JAK1: variants seen among roughly 807,000 people sequenced by gnomAD.
The protein encoded by JAK1 is tyrosine-protein kinase JAK1.
A neutral mutation model predicts 136.6 loss-of-function variants in JAK1; 16 were observed. The observed-to-expected ratio is 0.12, with a 90% CI of 0.08 to 0.18. The LOEUF is 0.18. Among genes scored for constraint, JAK1 ranks in the 10% least tolerant of loss-of-function variants. The pLI, the probability that JAK1 is intolerant of heterozygous loss-of-function variation, is 1.00. For missense variants in JAK1, 859 were observed against 1,450.1 expected, an observed-to-expected ratio of 0.59 and a Z score of 6.62; for synonymous variants, 492 against 519.5, an observed-to-expected ratio of 0.95 and a Z score of 0.72.
At chr1:65,056,190 A>G (rs997386428) in intron 1 of JAK1, among the ~76,000 whole-genome samples, 7 of 152,262 alleles carry the variant, frequency 4.6e-5, no homozygotes, top group African/African-American at 1.7e-4. Context: ...GAGTGGTAGC[A>G]TAATAACTGG....
intron 1 of JAK1, among the ~76,000 whole-genome samples, chr1:64,915,449 T>G (rs7524639): frequency 6.6e-6 from 1 of 152,098 alleles, no homozygotes; most frequent in Non-Finnish European, 1.5e-5. Context: ...TCACAGGAAC[T>G]GGAAGGAAGC....
At chr1:64,841,427 A>G in intron 18 of JAK1, 24 bp downstream of exon 18, 1 of 1,614,130 alleles carries the variant, frequency 6.2e-7, no homozygotes, top group South Asian at 1.1e-5. Flanking sequence ...AAGCTGGGTT[A>G]AAGCAGCACA....
intron 2 of JAK1, chr1:64,985,795 C>A: frequency 1.6e-6 from 1 of 633,616 alleles, no homozygotes; most frequent in Admixed American, 2.5e-5. Context: ...CCAGTGGCAG[C>A]CAACAGGTTG....
intron 5 of JAK1, 21 bp from the exon 6 acceptor site, chr1:64,869,495 C>A (rs766615083): frequency 1.2e-6 from 2 of 1,607,642 alleles, no homozygotes; most frequent in Non-Finnish European, 1.7e-6. Context: ...GGGGGAGAAA[C>A]CATGAGAGCC....
intron 2 of JAK1, among the ~76,000 whole-genome samples, chr1:64,997,940 A>T (rs912811755): frequency 2.6e-5 from 4 of 152,260 alleles, no homozygotes; most frequent in South Asian, 4.1e-4. Context: ...GTTTCAAGAA[A>T]TAAAAGCCTG....
At chr1:65,001,682 G>T (rs199679136) in intron 2 of JAK1, among the ~76,000 whole-genome samples, 11,428 of 148,604 alleles carry the variant, frequency 0.077, 872 homozygotes, top group East Asian at 0.28. Flanking sequence ...TGTGTGTGGG[G>T]GGGGGGGTAT....
intron 1 of JAK1, among the ~76,000 whole-genome samples, chr1:65,052,388 G>A (rs1647317004): frequency 6.6e-6 from 1 of 152,170 alleles, no homozygotes; most frequent in South Asian, 2.1e-4. Flanking sequence ...GGTTACAAAT[G>A]ATGACTAGGC....
At chr1:64,932,469 C>A (rs538852277) in intron 1 of JAK1, among the ~76,000 whole-genome samples, 2 of 152,152 alleles carry the variant, frequency 1.3e-5, no homozygotes, top group Admixed American at 1.3e-4. Flanking sequence ...CAGTAATTAA[C>A]CAAAGGTAAT....
intron 1 of JAK1, among the ~76,000 whole-genome samples, chr1:64,920,722 G>A (rs1194433511): frequency 6.6e-6 from 1 of 152,158 alleles, no homozygotes; most frequent in Non-Finnish European, 1.5e-5. Context: ...ATAATTCAAG[G>A]AACCCTTCTG....
chr1:64,853,857 G>C (rs1241639324), intron 11 of JAK1, among the ~76,000 whole-genome samples: 1 of 152,154 alleles, frequency 6.6e-6, no homozygotes, highest in African/African-American at 2.4e-5. Context: ...GTGAGACTCA[G>C]GTCCTGTCTT....
At position 64,839,715 on chromosome 1, in the gene JAK1, C is replaced by T. The variant is rs754244996; in HGVS notation, c.2730G>A (p.Leu910=). ...NTGEQVAVKS[L]KPESGGNHIA... is the part of the protein sequence containing the mutation. ...TGTGGTTACCTCCACTCTCAGGCTT[C>T]AGAGATTTAACAGCCACCTGCTCCC... The change falls in exon 20 of 25, where the codon CTG becomes CTA. Residue 910 remains leucine, a synonymous_variant. Transcript: ENST00000342505. 1.2e-6 allele frequency: 2 copies of T among 1,614,222 alleles called. No homozygotes were observed. Among genetic ancestry groups the T allele is most frequent in the South Asian group, 2.2e-5 (2 of 91,084 alleles).
chr1:64,860,293 C>T (rs781721234), intron 8 of JAK1, 31 bp from the exon 9 acceptor site: 29 of 1,568,854 alleles, frequency 1.8e-5, no homozygotes, highest in East Asian at 1.4e-4. Context: ...CCCACGGTTA[C>T]ATCATGTCTC....
chr1:64,966,643 C>G (rs1290816105), upstream of JAK1: 1 of 149,316 alleles, frequency 6.7e-6, no homozygotes, highest in Admixed American at 6.6e-5. Context: ...GCGGCAGCCC[C>G]GGAAAGCGGG....
intron 1 of JAK1, among the ~76,000 whole-genome samples, chr1:64,948,851 C>T (rs1646032014): frequency 6.6e-6 from 1 of 152,164 alleles, no homozygotes; most frequent in Admixed American, 6.5e-5. Context: ...TGTGGCAGCC[C>T]AGAATGTTAA....
intron 14 of JAK1, 37 bp from the exon 15 acceptor site, chr1:64,845,677 C>G (rs2101002695): frequency 1.2e-6 from 2 of 1,613,694 alleles, no homozygotes; most frequent in Non-Finnish European, 1.7e-6. Context: ...GGAACCTGGT[C>G]TGTGGCACGG....
chr1:64,923,953 A>T (rs989511515), intron 1 of JAK1, among the ~76,000 whole-genome samples: 2 of 139,150 alleles, frequency 1.4e-5, no homozygotes, highest in Non-Finnish European at 3.3e-5. Context: ...TGTCCTAACT[A>T]TAAATAAAGA....
intron 2 of JAK1, among the ~76,000 whole-genome samples, chr1:65,037,385 C>T (rs944871648): frequency 6.6e-6 from 1 of 152,054 alleles, no homozygotes; most frequent in African/African-American, 2.4e-5. Context: ...CTCAACTCCT[C>T]CTGCCTCAGC....
At chr1:64,949,991 G>C (rs1244832031) in intron 1 of JAK1, among the ~76,000 whole-genome samples, 1 of 152,036 alleles carries the variant, frequency 6.6e-6, no homozygotes, top group Non-Finnish European at 1.5e-5. Flanking sequence ...GAATAAAAAA[G>C]TTTAAGAAGA....
At chr1:64,980,498 C>T (rs560482820) in intron 2 of JAK1, among the ~76,000 whole-genome samples, 45 of 152,206 alleles carry the variant, frequency 3.0e-4, no homozygotes, top group African/African-American at 1.1e-3. Flanking sequence ...AACCTCCCTG[C>T]AGTATGCACA....
Sources: allele counts gnomAD v4.1 joint callset (sites outside exome capture counted in the v4.1 genomes callset), GRCh38; gene constraint gnomAD v4.1.1; transcripts MANE v1.5; gene names NCBI Gene and HGNC (gene_info 2026-07-23, HGNC 2026-07-21).